C1QTNF3: variants seen among roughly 807,000 people sequenced by gnomAD.
The protein encoded by C1QTNF3 is C1q and TNF related 3.
A neutral mutation model predicts 32.6 loss-of-function variants in C1QTNF3; 26 were observed. The observed-to-expected ratio is 0.80, with a 90% CI of 0.58 to 1.11. The LOEUF (loss-of-function observed/expected upper bound fraction) is 1.11. Ranked by LOEUF, C1QTNF3 falls within the 50% of genes least tolerant of loss-of-function variation. The probability of loss-of-function intolerance (pLI) is 0.00; values close to 1 mark genes in which losing one functional copy is unlikely to be tolerated. For missense variants in C1QTNF3, 362 were observed against 398.2 expected (o/e 0.91, Z 0.77); for synonymous variants, 155 against 146.0 (o/e 1.06, Z -0.44).
chr5:34,106,073 AGTTT>A, the C1QTNF3 span: 1 of 150,916 alleles, frequency 6.6e-6, no homozygotes, highest in South Asian at 2.1e-4. Context: ...TTGCTTTCAT[AGTTT>A]ATTTGCTCAT....
chr5:34,172,232 T>A, the C1QTNF3 span, among the ~76,000 whole-genome samples: 3 of 152,080 alleles, frequency 2.0e-5, no homozygotes, highest in Admixed American at 2.0e-4. Flanking sequence ...ATGGTAAAGT[T>A]TAATTTATAA....
chr5:34,139,372 T>A, the C1QTNF3 span, among the ~76,000 whole-genome samples: 2 of 152,056 alleles, frequency 1.3e-5, no homozygotes, highest in Non-Finnish European at 2.9e-5. Context: ...TACATTAAAG[T>A]ATACTTCATA....
the C1QTNF3 span, among the ~76,000 whole-genome samples, chr5:34,048,285 T>TGTGTGC: frequency 0.058 from 5,673 of 98,354 alleles, 410 homozygotes; most frequent in African/African-American, 0.19. Context: ...TGTGTGTGTG[T>TGTGTGC]GCATGAGAGA....
chr5:34,218,619 T>C, the C1QTNF3 span, among the ~76,000 whole-genome samples: 1 of 152,086 alleles, frequency 6.6e-6, no homozygotes, highest in Non-Finnish European at 1.5e-5. Context: ...TAATGATTAT[T>C]CTAGGGAAAG....
the C1QTNF3 span, among the ~76,000 whole-genome samples, chr5:34,061,731 A>G: frequency 5.3e-5 from 8 of 152,186 alleles, no homozygotes; most frequent in East Asian, 1.3e-3. Flanking sequence ...CCTAGGCTGC[A>G]CATAGCACAC....
the C1QTNF3 span, among the ~76,000 whole-genome samples, chr5:34,073,325 T>G: frequency 7.2e-6 from 1 of 138,008 alleles, no homozygotes; most frequent in Non-Finnish European, 1.5e-5. Context: ...AGACTCCGTC[T>G]CAAAAAAAAA....
chr5:34,065,314 A>G, the C1QTNF3 span, among the ~76,000 whole-genome samples: 1 of 152,312 alleles, frequency 6.6e-6, no homozygotes, highest in East Asian at 1.9e-4. Context: ...CGTAAGAAAA[A>G]TGCAAATCAA....
chr5:34,165,430 G>T, the C1QTNF3 span: 5 of 152,040 alleles, frequency 3.3e-5, no homozygotes, highest in Admixed American at 1.3e-4. Flanking sequence ...CTGTCTGAGA[G>T]AACCCAGCCT....
In C1QTNF3 at chr5:34,018,993, T is replaced by C. The variant is rs972201597; in HGVS notation, c.*1590A>G. ...AACATTAAAAATTAGCTGGTCCTGG[T>C]GGTGGGCGCCTGTAGTCCCAGCTAC... On this transcript the variant is annotated 3_prime_UTR_variant, in exon 6 of 6. Coordinates refer to ENST00000382065, the MANE Select transcript of C1QTNF3 (RefSeq NM_181435.6). 2.2e-4 allele frequency among the ~76,000 whole-genome samples: 34 copies of C among 151,828 alleles called. No homozygotes were observed. Among genetic ancestry groups the C allele is most frequent in the African/African-American group, 8.2e-4 (34 of 41,298 alleles).
chr5:34,219,500 A>C, the C1QTNF3 span, among the ~76,000 whole-genome samples: 2 of 151,936 alleles, frequency 1.3e-5, no homozygotes, highest in African/African-American at 4.8e-5. Context: ...TCCTGTATCT[A>C]CGTGCTGCAC....
the C1QTNF3 span, among the ~76,000 whole-genome samples, chr5:34,143,592 A>G: frequency 1.3e-5 from 2 of 152,208 alleles, no homozygotes; most frequent in African/African-American, 2.4e-5. Context: ...TGGACCTCTC[A>G]GTAGAAGTCT....
the C1QTNF3 span, among the ~76,000 whole-genome samples, chr5:34,133,611 T>A: frequency 6.6e-6 from 1 of 152,190 alleles, no homozygotes; most frequent in African/African-American, 2.4e-5. Context: ...GTCTAGTTAC[T>A]AAAAGGAAAC....
chr5:34,064,505 A>G, the C1QTNF3 span, among the ~76,000 whole-genome samples: 2 of 152,314 alleles, frequency 1.3e-5, no homozygotes, highest in Admixed American at 6.5e-5. Flanking sequence ...GAACCCAGCG[A>G]CCAGTGTTCA....
At chr5:34,173,953 A>G in the C1QTNF3 span, among the ~76,000 whole-genome samples, 1 of 152,236 alleles carries the variant, frequency 6.6e-6, no homozygotes, top group African/African-American at 2.4e-5. Flanking sequence ...AATAGTCTAC[A>G]TGGGAAATGC....
the C1QTNF3 span, among the ~76,000 whole-genome samples, chr5:34,062,039 C>T: frequency 6.6e-6 from 1 of 152,202 alleles, no homozygotes; most frequent in South Asian, 2.1e-4. Flanking sequence ...CTATTGAATG[C>T]TTTGCTGTTT....
chr5:34,030,443 G>A (rs1309572899), intron 3 of C1QTNF3, among the ~76,000 whole-genome samples: 1 of 152,176 alleles, frequency 6.6e-6, no homozygotes, highest in Non-Finnish European at 1.5e-5. Flanking sequence ...CTTGGCAATT[G>A]AGTAATTAGT....
chr5:34,147,411 G>A, the C1QTNF3 span, among the ~76,000 whole-genome samples: 1 of 152,102 alleles, frequency 6.6e-6, no homozygotes, highest in Non-Finnish European at 1.5e-5. Context: ...AATCAACTAA[G>A]GTGCTCATTA....
At chr5:34,045,808 T>G (rs1271633939), upstream of C1QTNF3, among the ~76,000 whole-genome samples, 1 of 151,846 alleles carries the variant, frequency 6.6e-6, no homozygotes, top group Non-Finnish European at 1.5e-5. Context: ...GAGAAGAAGG[T>G]CAGTCTGAGA....
chr5:34,226,942 G>C, the C1QTNF3 span, among the ~76,000 whole-genome samples: 1 of 151,682 alleles, frequency 6.6e-6, no homozygotes, highest in Non-Finnish European at 1.5e-5. Context: ...AGCACACACA[G>C]CTGCAGACCT....
Sources: allele counts gnomAD v4.1 joint callset (sites outside exome capture counted in the v4.1 genomes callset), GRCh38; gene constraint gnomAD v4.1.1; transcripts MANE v1.5; gene names NCBI Gene and HGNC (gene_info 2026-07-23, HGNC 2026-07-21).